PRKN: variants seen among roughly 807,000 people sequenced by gnomAD.
The protein encoded by PRKN is parkin RBR E3 ubiquitin protein ligase, also known as E3 ubiquitin-protein ligase parkin.
A neutral mutation model predicts 59.5 loss-of-function variants in PRKN; 56 were observed. That is an observed-to-expected ratio of 0.94 (90% CI 0.76 to 1.18). The LOEUF (loss-of-function observed/expected upper bound fraction) is 1.18, where lower values mean the gene tolerates loss of function less well. PRKN is among the 50% of genes most tolerant of loss of function. The pLI, the probability that PRKN is intolerant of heterozygous loss-of-function variation, is 0.00. For synonymous variants in PRKN, 250 were observed against 222.1 expected (o/e 1.13, Z -1.12); for missense variants, 657 against 596.4 (o/e 1.10, Z -1.06).
chr6:161,978,804 G>C (rs576694796), intron 5 of PRKN, among the ~76,000 whole-genome samples: 5 of 152,330 alleles, frequency 3.3e-5, no homozygotes, highest in Non-Finnish European at 7.4e-5. Context: ...GGCATTGTTT[G>C]AGTTCTAGCG....
intron 6 of PRKN, among the ~76,000 whole-genome samples, chr6:161,883,304 C>T (rs1178611922): frequency 6.6e-6 from 1 of 152,038 alleles, no homozygotes; most frequent in East Asian, 1.9e-4. Context: ...GAGTTTGAGA[C>T]TAGCCTGGCC....
rs9456734 is a variant in PRKN at position 162,053,861 on chromosome 6, A to G, written c.618+230T>C. Among the ~76,000 whole-genome samples, 29,559 of 152,118 alleles carry G rather than the reference A, an allele frequency of 0.19. 3,379 individuals carry two copies. The highest frequency in any genetic ancestry group is 0.55 in the East Asian group (2,854 of 5,168). ...AATGAGTTTAAATTGGCACATTTCC[A>G]CACGGTCCCCCCAAATGATTAAGTC... On this transcript the variant is annotated intron_variant, in intron 5 of 11. Coordinates refer to ENST00000366898, the MANE Select transcript of PRKN (RefSeq NM_004562.3).
At chr6:162,673,115 C>T (rs938517469) in intron 1 of PRKN, among the ~76,000 whole-genome samples, 6 of 152,078 alleles carry the variant, frequency 3.9e-5, no homozygotes, top group African/African-American at 1.2e-4. Context: ...CACTGCCCAT[C>T]CATTTATTTC....
intron 7 of PRKN, among the ~76,000 whole-genome samples, chr6:161,693,414 G>C (rs536312840): frequency 6.6e-6 from 1 of 152,256 alleles, no homozygotes; most frequent in African/African-American, 2.4e-5. Context: ...GTTGACTACA[G>C]GTGGACCAAG....
chr6:161,821,280 G>A (rs1792012106), intron 6 of PRKN, among the ~76,000 whole-genome samples: 1 of 151,996 alleles, frequency 6.6e-6, no homozygotes, highest in African/African-American at 2.4e-5. Flanking sequence ...TAAAAATATA[G>A]GCAGAATTAA....
At chr6:161,938,842 C>T (rs1779449081) in intron 6 of PRKN, among the ~76,000 whole-genome samples, 1 of 152,130 alleles carries the variant, frequency 6.6e-6, no homozygotes, top group African/African-American at 2.4e-5. Flanking sequence ...AACCACTTTG[C>T]ATTTATTGTC....
intron 1 of PRKN, among the ~76,000 whole-genome samples, chr6:162,626,697 C>T (rs1300940786): frequency 6.6e-6 from 1 of 151,692 alleles, no homozygotes; most frequent in African/African-American, 2.4e-5. Flanking sequence ...GCCTGTAATC[C>T]CAGCTACTTT....
intron 1 of PRKN, among the ~76,000 whole-genome samples, chr6:162,554,034 G>A (rs530744641): frequency 4.6e-5 from 7 of 152,252 alleles, no homozygotes; most frequent in African/African-American, 7.2e-5. Flanking sequence ...CGCTGGAGAC[G>A]CGAATGCTTC....
chr6:162,076,289 C>CA (rs903267444), intron 4 of PRKN, among the ~76,000 whole-genome samples: 1 of 151,456 alleles, frequency 6.6e-6, no homozygotes, highest in Non-Finnish European at 1.5e-5. Context: ...CTTCTTAATC[C>CA]AAAAAAAACC....
At chr6:161,957,833 AG>A (rs1470558850) in intron 6 of PRKN, among the ~76,000 whole-genome samples, 7 of 152,180 alleles carry the variant, frequency 4.6e-5, no homozygotes, top group African/African-American at 1.7e-4. Context: ...GCTTGCGCTC[AG>A]GGGGCAGGTC....
At chr6:161,704,073 C>T (rs1250774451) in intron 7 of PRKN, among the ~76,000 whole-genome samples, 1 of 152,026 alleles carries the variant, frequency 6.6e-6, no homozygotes, top group African/African-American at 2.4e-5. Flanking sequence ...CCAGGCTGGT[C>T]TTGAGCTCCT....
In PRKN at chr6:161,546,593, G is replaced by T. The variant is rs777888214; in HGVS notation, c.1083+2261C>A. ...GCATCCTTTAGAAAATCACTTCTCT[G>T]TTCTTTTTTCAGCTTCTTCAAATTG... On this transcript the variant is annotated intron_variant, in intron 9 of 11. Coordinates refer to ENST00000366898, the MANE Select transcript of PRKN (RefSeq NM_004562.3). The surrounding 1 kb of genome is among the most constrained non-coding windows in gnomAD (Gnocchi z 4.4). Among the ~76,000 whole-genome samples the T allele has an allele frequency of 6.6e-6, 1 of 152,112 alleles. No homozygotes were observed. The highest frequency in any genetic ancestry group is 1.5e-5 in the Non-Finnish European group (1 of 68,014).
At chr6:162,245,380 A>G (rs1358835740) in intron 3 of PRKN, among the ~76,000 whole-genome samples, 1 of 152,056 alleles carries the variant, frequency 6.6e-6, no homozygotes, top group African/African-American at 2.4e-5. Context: ...TTACCTATCT[A>G]TAATCAAGAC....
intron 2 of PRKN, among the ~76,000 whole-genome samples, chr6:162,426,730 AGCC>A (rs1466768383): frequency 2.0e-5 from 3 of 152,248 alleles, no homozygotes; most frequent in African/African-American, 7.2e-5. Flanking sequence ...TACAGGCATG[AGCC>A]ACCATACCCA....
At chr6:162,484,595 A>C (rs1331041114) in intron 1 of PRKN, among the ~76,000 whole-genome samples, 2 of 152,220 alleles carry the variant, frequency 1.3e-5, no homozygotes, top group African/African-American at 4.8e-5. Context: ...ACATTAACGT[A>C]GAGATGTTTG....
intron 1 of PRKN, among the ~76,000 whole-genome samples, chr6:162,505,469 C>T (rs1258759066): frequency 6.6e-6 from 1 of 152,152 alleles, no homozygotes; most frequent in African/African-American, 2.4e-5. Context: ...CACTCAAGAG[C>T]TACTGAATCC....
intron 7 of PRKN, among the ~76,000 whole-genome samples, chr6:161,748,195 C>T (rs1183653578): frequency 2.0e-5 from 3 of 152,140 alleles, no homozygotes; most frequent in Admixed American, 6.5e-5. Flanking sequence ...TTCTACAACC[C>T]ATGCATGCAC....
chr6:161,741,680 G>A (rs1477940137), intron 7 of PRKN, among the ~76,000 whole-genome samples: 1 of 152,044 alleles, frequency 6.6e-6, no homozygotes, highest in Non-Finnish European at 1.5e-5. Context: ...GTGATCCTCT[G>A]TTGAATACAC....
Position 161,546,495 on chromosome 6 carries a change from G to A in PRKN, c.1083+2359C>T, listed in dbSNP as rs115438898. Among the ~76,000 whole-genome samples, 950 of 152,320 alleles carry A rather than the reference G, an allele frequency of 6.2e-3. 8 individuals are homozygous for A. Among genetic ancestry groups the A allele is most frequent in the African/African-American group, 0.021 (873 of 41,576 alleles). On this transcript the variant is annotated intron_variant, in intron 9 of 11. Coordinates refer to ENST00000366898, the MANE Select transcript of PRKN (RefSeq NM_004562.3). This position sits in a 1 kb window ranked among gnomAD's most constrained non-coding sequence, Gnocchi z 4.4. ...CTGAGAAGCCAAAGCAATGGGAATG[G>A]ACATAAGCTTGCAAAAGTGTATGGA...
Sources: allele counts gnomAD v4.1 joint callset (sites outside exome capture counted in the v4.1 genomes callset), GRCh38; gene constraint gnomAD v4.1.1; non-coding constraint Gnocchi (gnomAD v3.1); transcripts MANE v1.5; gene names NCBI Gene and HGNC (gene_info 2026-07-23, HGNC 2026-07-21).